DMAC2L: variants seen among roughly 807,000 people sequenced by gnomAD.
The protein encoded by DMAC2L is ATP synthase subunit s, mitochondrial.
DMAC2L carries 21 observed loss-of-function variants against 22.5 expected under a neutral mutation model. The ratio of observed to expected loss-of-function variants is 0.93; its 90% CI spans 0.66 to 1.34. DMAC2L has a LOEUF of 1.34. Among genes scored for constraint, DMAC2L ranks in the 40% most tolerant of loss-of-function variants. The pLI, the probability that DMAC2L is intolerant of heterozygous loss-of-function variation, is 0.00. For missense variants in DMAC2L, 239 were observed against 246.5 expected (o/e 0.97, Z 0.20); for synonymous variants, 86 against 89.5 (o/e 0.96, Z 0.22).
At chr14:50,319,059 G>A in intron 2 of DMAC2L, 1 of 985,418 alleles carries the variant, frequency 1.0e-6, no homozygotes, top group South Asian at 4.7e-5. Flanking sequence ...AAGGTCTTGA[G>A]GTTGGGTGGG....
intron 2 of DMAC2L, among the ~76,000 whole-genome samples, chr14:50,317,581 C>G (rs1194167839): frequency 6.6e-6 from 1 of 152,002 alleles, no homozygotes; most frequent in Non-Finnish European, 1.5e-5. Context: ...CCAGCCTGGC[C>G]AACATGGTGA....
chr14:50,324,350 C>A, intron 5 of DMAC2L: 1 of 282,372 alleles, frequency 3.5e-6, no homozygotes, highest in Non-Finnish European at 6.5e-6. Context: ...CTACATTAAG[C>A]ACCTAGCATG....
At chr14:50,325,472 C>T in intron 5 of DMAC2L, 137 bp from the exon 6 acceptor site, 1 of 997,010 alleles carries the variant, frequency 1.0e-6, no homozygotes, top group South Asian at 1.9e-5. Flanking sequence ...TCTAAGGCTA[C>T]TGCTCTAAAA....
chr14:50,324,195 G>A, intron 5 of DMAC2L, 79 bp downstream of exon 5: 9 of 1,390,142 alleles, frequency 6.5e-6, no homozygotes, highest in South Asian at 3.4e-5. Context: ...TGTGAGGGGT[G>A]GTGTCTTTTT....
intron 1 of DMAC2L, chr14:50,313,045 C>T: frequency 6.2e-7 from 1 of 1,613,550 alleles, no homozygotes; most frequent in South Asian, 1.1e-5. Flanking sequence ...CTCTGAGCAG[C>T]GACTCACCTG....
chr14:50,318,935 C>T (rs189810228), intron 2 of DMAC2L: 1 of 746,646 alleles, frequency 1.3e-6, no homozygotes, highest in Admixed American at 6.3e-5. Context: ...TCTCTTTCTC[C>T]TTTGTTCTTG....
At chr14:50,321,236 T>C (rs1322551814) in intron 2 of DMAC2L, 2 of 423,222 alleles carry the variant, frequency 4.7e-6, no homozygotes, top group Non-Finnish European at 7.2e-6. Flanking sequence ...AATTGAGGTT[T>C]CAACAGTGGA....
intron 2 of DMAC2L, among the ~76,000 whole-genome samples, chr14:50,320,163 A>G (rs1471626417): frequency 2.0e-5 from 3 of 152,146 alleles, no homozygotes; most frequent in Non-Finnish European, 4.4e-5. Flanking sequence ...GTACAATCTC[A>G]GCTTACTGCA....
chr14:50,319,823 A>T, intron 2 of DMAC2L, among the ~76,000 whole-genome samples: 1 of 152,190 alleles, frequency 6.6e-6, no homozygotes, highest in East Asian at 1.9e-4. Flanking sequence ...TAATGGCATC[A>T]CCATCCTACT....
chr14:50,324,412 C>CTT, intron 5 of DMAC2L: 1 of 177,312 alleles, frequency 5.6e-6, no homozygotes, highest in Non-Finnish European at 1.2e-5. Context: ...GCTTTCTCTC[C>CTT]TTTTTTTTTA....
At chr14:50,322,400 A>C in intron 3 of DMAC2L, 111 bp from the exon 4 acceptor site, 2 of 1,164,494 alleles carry the variant, frequency 1.7e-6, no homozygotes, top group Non-Finnish European at 2.3e-6. Context: ...CTTCCTCGTC[A>C]GTCACTTGAA....
chr14:50,322,515 G>GC lies in DMAC2L; in HGVS notation c.112_113insC (p.Asp38AlafsTer3). 6.2e-7 allele frequency: 1 copy of GC among 1,600,254 alleles called. No individual in the cohort carries two copies. The highest frequency in any genetic ancestry group is 8.6e-7 in the Non-Finnish European group (1 of 1,169,164). ...CTTTTTTTCTCTTGCCAACAGGGTG[G>GC]ATTATGATCGCATCAGGGATGTTGG... On this transcript the variant is annotated frameshift_variant, in exon 4 of 6. Coordinates refer to ENST00000557421, the MANE Select transcript of DMAC2L (RefSeq NM_001382507.1). LOFTEE classifies it high-confidence loss of function.
intron 1 of DMAC2L, 35 bp from the exon 2 acceptor site, chr14:50,314,556 C>T (rs1310670751): frequency 4.4e-6 from 2 of 455,888 alleles, no homozygotes; most frequent in African/African-American, 4.0e-5. Flanking sequence ...CATGAGTGTA[C>T]AGCCTTTTGT....
intron 1 of DMAC2L, 128 bp downstream of exon 1, chr14:50,312,517 C>T (rs997872440): frequency 1.7e-5 from 6 of 360,588 alleles, no homozygotes; most frequent in Non-Finnish European, 2.1e-5. Context: ...CGACCTTCAC[C>T]GCCATGCGGA....
chr14:50,324,107 G>C lies in DMAC2L; in HGVS notation c.479G>C (p.Arg160Pro). ...ACAGACAAAGGCATCATTGCTTTGC[G>C]TCATTTAAGGTAGATGATCAAAGCC... ...NITDKGIIAL[R>P]HLRNLKYLLL... Residue 160 changes from arginine to proline, a missense_variant, in exon 5 of 6, where the codon CGT becomes CCT. Physicochemically the swap from Arg to Pro is moderately radical, Grantham distance 103 (BLOSUM62 -2). Transcript: ENST00000557421. 6.2e-7 allele frequency: 1 copy of C among 1,607,564 alleles called. No homozygotes were observed. The highest frequency in any genetic ancestry group is 8.5e-7 in the Non-Finnish European group (1 of 1,177,092).
chr14:50,319,058 A>C, intron 2 of DMAC2L: 1 of 985,358 alleles, frequency 1.0e-6, no homozygotes, highest in South Asian at 4.7e-5. Context: ...TAAGGTCTTG[A>C]GGTTGGGTGG....
intron 5 of DMAC2L, 191 bp downstream of exon 5, chr14:50,324,307 AT>A (rs2032527534): frequency 2.3e-6 from 1 of 433,976 alleles, no homozygotes; most frequent in African/African-American, 2.1e-5. Context: ...GTTGTATTGA[AT>A]TTTTTATAGA....
chr14:50,318,663 CTT>C (rs1003603583), intron 2 of DMAC2L, among the ~76,000 whole-genome samples: 1 of 152,048 alleles, frequency 6.6e-6, no homozygotes. Context: ...TTTGCATACT[CTT>C]TTTTCGTTCT....
chr14:50,325,550 A>T (rs907115783), intron 5 of DMAC2L, 59 bp from the exon 6 acceptor site: 36 of 1,513,696 alleles, frequency 2.4e-5, no homozygotes, highest in Non-Finnish European at 3.1e-5. Flanking sequence ...AAGTCAGTAA[A>T]TTGAATTTAT....
Sources: allele counts gnomAD v4.1 joint callset (sites outside exome capture counted in the v4.1 genomes callset), GRCh38; gene constraint gnomAD v4.1.1; transcripts MANE v1.5; gene names NCBI Gene and HGNC (gene_info 2026-07-23, HGNC 2026-07-21).